Variants in DENND5B observed in about 807,000 individuals in gnomAD.
DENND5B encodes DENN domain-containing protein 5B.
In DENND5B, 34 loss-of-function variants were observed where a neutral mutation model predicts 140.6. The ratio of observed to expected loss-of-function variants is 0.24; its 90% CI spans 0.18 to 0.32. The LOEUF (loss-of-function observed/expected upper bound fraction) is 0.32, where lower values mean the gene tolerates loss of function less well. Ranked by LOEUF, DENND5B falls within the 10% of genes least tolerant of loss-of-function variation. DENND5B has a pLI of 1.00. For missense variants in DENND5B, 1,142 were observed against 1,560.2 expected (o/e 0.73, Z 4.52); for synonymous variants, 551 against 562.1 (o/e 0.98, Z 0.28).
chr12:31,392,248 A>G lies in DENND5B; in HGVS notation c.3466+19T>C. 1 of 1,613,542 alleles carries G rather than the reference A, an allele frequency of 6.2e-7. No individual in the cohort carries two copies. The highest frequency in any genetic ancestry group is 8.5e-7 in the Non-Finnish European group (1 of 1,179,702). On this transcript the variant is annotated intron_variant, in intron 19 of 20. Coordinates refer to ENST00000389082, the MANE Select transcript of DENND5B (RefSeq NM_144973.4). ...AAGGCTTCAGTGACCTTAATGTAATACACATCTACTTTATTTACCTATGAA... is the reference window on the plus strand; with the variant it reads ...AAGGCTTCAGTGACCTTAATGTAATGCACATCTACTTTATTTACCTATGAA...
At chr12:31,587,987 C>T (rs1176131931) in intron 1 of DENND5B, among the ~76,000 whole-genome samples, 1 of 152,162 alleles carries the variant, frequency 6.6e-6, no homozygotes, top group African/African-American at 2.4e-5. Context: ...TCAAAACCTT[C>T]CAATACTTTC....
At chr12:31,414,832 G>T (rs917345060) in intron 12 of DENND5B, among the ~76,000 whole-genome samples, 42 of 150,324 alleles carry the variant, frequency 2.8e-4, no homozygotes, top group Admixed American at 4.7e-4. Context: ...TGAGGCAGAA[G>T]AATTGCTTGA....
Position 31,387,879 on chromosome 12 carries a change from G to A in DENND5B, c.3642-93C>T, listed in dbSNP as rs944056045. On this transcript the variant is annotated intron_variant, in intron 20 of 20. Transcript: ENST00000389082. ...AGTCTGTATGAATGGGAAGGTGTGG[G>A]ACTTGATGGTACAAAATGTATCCAA... The A allele has an allele frequency of 6.2e-6, 8 of 1,292,318 alleles. No individual in the cohort carries two copies. The African/African-American group carries it at 1.0e-4, about 17-fold the overall frequency. 80.1% of individuals were successfully genotyped at this position (1,292,318 alleles called of 1,614,324 possible).
At chr12:31,488,602 G>A (rs928156387) in intron 2 of DENND5B, among the ~76,000 whole-genome samples, 1 of 151,980 alleles carries the variant, frequency 6.6e-6, no homozygotes, top group South Asian at 2.1e-4. Context: ...ATATCTAATC[G>A]GGAAACATGA....
Position 31,570,588 on chromosome 12 carries a change from TA to T in DENND5B, c.127+20117del, listed in dbSNP as rs59970924. Among the ~76,000 whole-genome samples the T allele has an allele frequency of 3.4e-3, 479 of 140,596 alleles. 2 individuals carry two copies. The highest frequency in any genetic ancestry group is 5.5e-3 in the African/African-American group (211 of 38,384). The allele number at this position is 140,596 out of a possible 152,430, so 92.2% of individuals were successfully genotyped here. A position where few individuals can be genotyped will look rare whatever the true frequency, so the allele number is the denominator to read the frequency against. On this transcript the variant is annotated intron_variant, in intron 1 of 20. Transcript: ENST00000389082. ...CACTGCACCCAGCCAAAATTCTCTTTAAAAAAAAAAAAAAAGTTTTCTTTTT... is the reference window on the plus strand; with the variant it reads ...CACTGCACCCAGCCAAAATTCTCTTTAAAAAAAAAAAAAAGTTTTCTTTTT...
Position 31,384,492 on chromosome 12 carries a change from C to G in DENND5B, c.*3111G>C, listed in dbSNP as rs1005276742. The G allele has an allele frequency of 3.3e-5, 5 of 152,148 alleles. No individual in the cohort carries two copies. The highest frequency in any genetic ancestry group is 7.3e-5 in the Non-Finnish European group (5 of 68,036). The allele number at this position is 152,148 out of a possible 1,614,324, so 9.4% of individuals were successfully genotyped here. A position where few individuals can be genotyped will look rare whatever the true frequency, so the allele number is the denominator to read the frequency against. On this transcript the variant is annotated 3_prime_UTR_variant, in exon 21 of 21. Transcript: ENST00000389082. ...TATTCAAAAGAATGGGGGTACTGGC[C>G]ATTCAAGCAGCTCACACAAGGAGGG...
intron 1 of DENND5B, among the ~76,000 whole-genome samples, chr12:31,558,127 C>T (rs1033217767): frequency 6.6e-5 from 10 of 152,136 alleles, no homozygotes; most frequent in African/African-American, 1.7e-4. Context: ...TTGATAACAG[C>T]GCTAGAGATA....
At chr12:31,504,897 C>T (rs1347984556) in intron 1 of DENND5B, among the ~76,000 whole-genome samples, 1 of 152,160 alleles carries the variant, frequency 6.6e-6, no homozygotes, top group Non-Finnish European at 1.5e-5. Context: ...CAGCTAAATG[C>T]AAAGGAGGCC....
chr12:31,458,864 T>C (rs1233055253), intron 4 of DENND5B, among the ~76,000 whole-genome samples: 3 of 152,190 alleles, frequency 2.0e-5, no homozygotes, highest in Non-Finnish European at 4.4e-5. Context: ...GGCACACTCT[T>C]ATCCATATTT....
intron 1 of DENND5B, among the ~76,000 whole-genome samples, chr12:31,559,102 A>T (rs1297759693): frequency 3.3e-5 from 5 of 152,230 alleles, no homozygotes; most frequent in African/African-American, 1.2e-4. Flanking sequence ...TGAAAAGTAA[A>T]CTTTCTACCA....
At chr12:31,532,079 A>G (rs1307693300) in intron 1 of DENND5B, among the ~76,000 whole-genome samples, 1 of 152,236 alleles carries the variant, frequency 6.6e-6, no homozygotes, top group African/African-American at 2.4e-5. Flanking sequence ...GACATTAATC[A>G]AAGGAATGCA....
intron 6 of DENND5B, among the ~76,000 whole-genome samples, chr12:31,444,735 T>C (rs968380233): frequency 1.3e-5 from 2 of 152,214 alleles, no homozygotes; most frequent in African/African-American, 4.8e-5. Context: ...CAACAAGGCA[T>C]TATGCTATTC....
chr12:31,438,071 G>A (rs1449442926), intron 7 of DENND5B, among the ~76,000 whole-genome samples: 5 of 152,042 alleles, frequency 3.3e-5, no homozygotes, highest in East Asian at 1.9e-4. Context: ...AACCTCTGCC[G>A]CTCAAGTGAT....
intron 1 of DENND5B, among the ~76,000 whole-genome samples, chr12:31,572,220 G>A (rs1949850601): frequency 6.8e-6 from 1 of 146,402 alleles, no homozygotes; most frequent in Admixed American, 6.7e-5. Flanking sequence ...GCGAAACTCT[G>A]TCTCAAAAAA....
At chr12:31,427,626 T>G (rs1004265557) in intron 8 of DENND5B, among the ~76,000 whole-genome samples, 1 of 151,018 alleles carries the variant, frequency 6.6e-6, no homozygotes, top group Non-Finnish European at 1.5e-5. Context: ...AAAAATCATC[T>G]GGATACCTTA....
intron 1 of DENND5B, among the ~76,000 whole-genome samples, chr12:31,524,041 C>CTTTT (rs148193944): frequency 2.5e-5 from 3 of 121,544 alleles, no homozygotes; most frequent in South Asian, 2.6e-4. Context: ...CTACTGAGCC[C>CTTTT]TTTTTTTTTT....
intron 2 of DENND5B, among the ~76,000 whole-genome samples, chr12:31,489,748 A>T (rs551683860): frequency 9.8e-6 from 1 of 102,502 alleles, no homozygotes; most frequent in African/African-American, 3.7e-5. Context: ...TAGGTGCTAC[A>T]AAAAGGTATA....
chr12:31,507,762 A>T (rs1411423732), intron 1 of DENND5B, among the ~76,000 whole-genome samples: 1 of 152,220 alleles, frequency 6.6e-6, no homozygotes, highest in African/African-American at 2.4e-5. Flanking sequence ...ATTCTGAAGA[A>T]CATCTAAGTG....
At chr12:31,488,265 G>C (rs190995434) in intron 2 of DENND5B, among the ~76,000 whole-genome samples, 1 of 152,008 alleles carries the variant, frequency 6.6e-6, no homozygotes, top group Admixed American at 6.6e-5. Context: ...GTGAGCCACA[G>C]TGCCTGGACT....
Sources: allele counts gnomAD v4.1 joint callset (sites outside exome capture counted in the v4.1 genomes callset), GRCh38; gene constraint gnomAD v4.1.1; transcripts MANE v1.5; gene names NCBI Gene and HGNC (gene_info 2026-07-23, HGNC 2026-07-21).